The following SLC38A10 variants were observed in gnomAD, a reference collection of about 807,000 sequenced individuals.
The protein encoded by SLC38A10 is Sodium-coupled neutral amino acid transporter 10.
A neutral mutation model predicts 81.0 loss-of-function variants in SLC38A10; 53 were observed. The ratio of observed to expected loss-of-function variants is 0.65; its 90% CI spans 0.53 to 0.82. The LOEUF (loss-of-function observed/expected upper bound fraction) is 0.82, where lower values mean the gene tolerates loss of function less well. SLC38A10 is among the 40% of genes least tolerant of loss of function. The probability of loss-of-function intolerance (pLI) is 0.00; values close to 1 mark genes in which losing one functional copy is unlikely to be tolerated. For missense variants in SLC38A10, 1,471 were observed against 1,545.0 expected, an observed-to-expected ratio of 0.95 and a Z score of 0.80; for synonymous variants, 665 against 655.3, an observed-to-expected ratio of 1.01 and a Z score of -0.23.
Position 81,277,314 on chromosome 17 carries a change from G to A in SLC38A10, c.627-181C>T, listed in dbSNP as rs766068885. Among the ~76,000 whole-genome samples, 28 of 152,178 alleles carry A rather than the reference G, an allele frequency of 1.8e-4. No homozygotes were observed. Among genetic ancestry groups the A allele is most frequent in the African/African-American group, 2.9e-4 (12 of 41,442 alleles). On this transcript the variant is annotated intron_variant, in intron 6 of 15. Transcript: ENST00000374759. The surrounding 1 kb of genome is among the most constrained non-coding windows in gnomAD (Gnocchi z 4.5). The stretch of plus-strand genomic sequence containing the variant: ...ACTTGGTGTTGCTGAGGACAGGAGC[G>A]TTGCAGCAGCCCCCACTCAGGACAC...
rs1409042605 is a variant in SLC38A10 at position 81,246,886 on chromosome 17, C to T, written c.2241G>A (p.Gln747=). 1.9e-6 allele frequency: 3 copies of T among 1,590,066 alleles called. No individual in the cohort carries two copies. Among genetic ancestry groups the T allele is most frequent in the Non-Finnish European group, 1.7e-6 (2 of 1,165,796 alleles). Residue 747 remains glutamine (Q), a splice_region_variant and synonymous_variant, in exon 15 of 16, where the codon CAG becomes CAA. Coordinates refer to ENST00000374759, the MANE Select transcript of SLC38A10 (RefSeq NM_001037984.3). ...RQEDEEDKPR[Q]VEVHQEPGAA... Reference sequence around the variant, plus strand: ...ACTCCATCCGCCAGCCCGGCCTACCCTGCCTGGGTTTATCCTCCTCGTCCT... The same window carrying T: ...ACTCCATCCGCCAGCCCGGCCTACCTTGCCTGGGTTTATCCTCCTCGTCCT...
intron 14 of SLC38A10, among the ~76,000 whole-genome samples, chr17:81,248,079 T>C (rs1395222080): frequency 1.4e-5 from 2 of 144,578 alleles, no homozygotes; most frequent in Admixed American, 7.2e-5. Flanking sequence ...TGCCTCAGCC[T>C]CCCGAGTAGC....
In SLC38A10 at chr17:81,280,612, T is replaced by C; in HGVS notation, c.623A>G (p.Gln208Arg). 1 of 1,612,832 alleles carries C rather than the reference T, an allele frequency of 6.2e-7. No individual in the cohort carries two copies. The highest frequency in any genetic ancestry group is 1.7e-5 in the Admixed American group (1 of 59,964). ...CAGACCACAGCAGGACACTTACGAC[T>C]GGCAGGCGAAGGACATGCCGAAGAT... ...IPIFGMSFACQSQVLPTYDSL... is the reference protein window; with the variant it reads ...IPIFGMSFACRSQVLPTYDSL... Residue 208 changes from glutamine (Q) to arginine (R), a missense_variant, in exon 6 of 16, where the codon CAG becomes CGG. Coordinates refer to ENST00000374759, the MANE Select transcript of SLC38A10 (RefSeq NM_001037984.3).
rs764525051 is a variant in SLC38A10 at position 81,277,923 on chromosome 17, G to A, written c.627-790C>T. ...GAGCTGCTCTGCCATGGGGCTGAAC[G>A]AGGACTCTGGAGTGGGAGTCCAGGG... On this transcript the variant is annotated intron_variant, in intron 6 of 15. Transcript: ENST00000374759. This position sits in a 1 kb window ranked among gnomAD's most constrained non-coding sequence, Gnocchi z 4.5. 2.0e-5 allele frequency among the ~76,000 whole-genome samples: 3 copies of A among 152,182 alleles called. No individual in the cohort carries two copies. Among genetic ancestry groups the A allele is most frequent in the East Asian group, 1.9e-4 (1 of 5,166 alleles).
rs1330553971 is a variant in SLC38A10, at chr17:81,270,622, C to G, written c.1131+296G>C. 6.6e-6 allele frequency among the ~76,000 whole-genome samples: 1 copy of G among 152,124 alleles called. No homozygotes were observed. Among genetic ancestry groups the G allele is most frequent in the Non-Finnish European group, 1.5e-5 (1 of 68,004 alleles). On this transcript the variant is annotated intron_variant, in intron 10 of 15. Transcript: ENST00000374759. The surrounding 1 kb of genome is among the most constrained non-coding windows in gnomAD (Gnocchi z 4.0). The stretch of plus-strand genomic sequence containing the variant: ...TCAGAGGTGGCAGCAGGTCCATGGG[C>G]AATCAGGCATCGCAGAAACACCATG...
rs1567925843 is a variant in SLC38A10, at chr17:81,252,441, A to C, written c.1699T>G (p.Leu567Val). Residue 567 changes from leucine (L) to valine (V), a missense_variant, in exon 13 of 16, where the codon TTG (leucine) becomes GTG (valine). Leu to Val is a conservative substitution (Grantham distance 32). Coordinates refer to ENST00000374759, the MANE Select transcript of SLC38A10 (RefSeq NM_001037984.3). ...TCAGGAAGATCACCCGCCTCCTCCA[A>C]GGCCTGGGCCTGTCCAGGCCTCTTC... Reference protein sequence around the residue: ...VGKRPGQAQALEEAGDLPEDP... With the variant: ...VGKRPGQAQAVEEAGDLPEDP... 2 of 1,613,262 alleles carry C rather than the reference A, an allele frequency of 1.2e-6. No homozygotes were observed. Among genetic ancestry groups the C allele is most frequent in the Admixed American group, 1.7e-5 (1 of 60,022 alleles).
intron 14 of SLC38A10, 133 bp from the exon 15 acceptor site, chr17:81,247,194 G>A: frequency 1.1e-6 from 1 of 904,250 alleles, no homozygotes; most frequent in South Asian, 1.9e-5. Context: ...GGCCACTGGT[G>A]ACACCCATCA....
At position 81,245,699 on chromosome 17, in the gene SLC38A10, C is replaced by T. The variant is rs2062841675; in HGVS notation, c.3217G>A (p.Gly1073Ser). ...QLAPRDGVII[G>S]LNPLPDVQVN... ...TGGACATCAGGCAGGGGGTTAAGGCCAATGATGACCCCATCCCTCGGGGCC... is the reference window on the plus strand; with the variant it reads ...TGGACATCAGGCAGGGGGTTAAGGCTAATGATGACCCCATCCCTCGGGGCC... The change falls in exon 16 of 16, where the codon GGC becomes AGC. Residue 1073 changes from glycine (G) to serine (S), a missense_variant. Transcript: ENST00000374759. The T allele has an allele frequency of 6.3e-7, 1 of 1,578,080 alleles. No individual in the cohort carries two copies. The highest frequency in any genetic ancestry group is 1.3e-5 in the African/African-American group (1 of 74,272).
Position 81,253,523 on chromosome 17 carries a change from C to T in SLC38A10, c.1289-283G>A, listed in dbSNP as rs1381336562. 3.3e-5 allele frequency among the ~76,000 whole-genome samples: 5 copies of T among 152,114 alleles called. No individual in the cohort carries two copies. Among genetic ancestry groups the T allele is most frequent in the African/African-American group, 7.2e-5 (3 of 41,408 alleles). On this transcript the variant is annotated intron_variant, in intron 11 of 15. Transcript: ENST00000374759. This position sits in a 1 kb window ranked among gnomAD's most constrained non-coding sequence, Gnocchi z 4.1. ...CCACCAGATGGCGGCACGAGCCCAC[C>T]GACCCACTCTCCCACAGTCCCCTCC...
rs3065408 is a variant in SLC38A10 at position 81,281,778 on chromosome 17, AAAACAAAC to A, written c.501+403_501+410del. On this transcript the variant is annotated intron_variant, in intron 5 of 15. Coordinates refer to ENST00000374759, the MANE Select transcript of SLC38A10 (RefSeq NM_001037984.3). The surrounding 1 kb of genome is among the most constrained non-coding windows in gnomAD (Gnocchi z 5.3). Reference sequence around the variant, plus strand: ...GCGACAAAGTGAGACTCCGTCTCAAAAAACAAACAAACAAACAAACAACAATAGCTTGC... The same window carrying A: ...GCGACAAAGTGAGACTCCGTCTCAAAAAACAAACAAACAACAATAGCTTGC... Among the ~76,000 whole-genome samples the A allele has an allele frequency of 2.6e-5, 4 of 151,262 alleles. No individual in the cohort carries two copies. The highest frequency in any genetic ancestry group is 7.3e-5 in the African/African-American group (3 of 40,942).
chr17:81,260,758 A>C (rs1162936526), intron 10 of SLC38A10, among the ~76,000 whole-genome samples: 2 of 152,166 alleles, frequency 1.3e-5, no homozygotes, highest in Non-Finnish European at 2.9e-5. Context: ...TTCAGGACGG[A>C]GCGGGAGGGA....
intron 10 of SLC38A10, chr17:81,264,515 T>G (rs1309505443): frequency 6.6e-6 from 1 of 151,868 alleles, no homozygotes; most frequent in African/African-American, 2.4e-5. Context: ...CGTAGCACCC[T>G]CCCCCGGAGA....
chr17:81,247,060 T>C lies in SLC38A10; in HGVS notation c.2067A>G (p.Glu689=). ...GGTCCAGCATCTCCGCCCTGCCAGC[T>C]TCTGGGTTTGGAAAGCACACAGTCA... ...GGNQAASQLE[E]AGRAEMLDHA... The change falls in exon 15 of 16, where the codon GAA becomes GAG. Residue 689 remains glutamate, a splice_region_variant and synonymous_variant. Transcript: ENST00000374759. 6.3e-7 allele frequency: 1 copy of C among 1,581,148 alleles called. No individual in the cohort carries two copies. Among genetic ancestry groups the C allele is most frequent in the Non-Finnish European group, 8.6e-7 (1 of 1,165,702 alleles).
At chr17:81,272,298 C>T (rs989538884) in intron 9 of SLC38A10, among the ~76,000 whole-genome samples, 1 of 152,102 alleles carries the variant, frequency 6.6e-6, no homozygotes, top group Non-Finnish European at 1.5e-5. Context: ...TCCCAAAGTG[C>T]TGGGATTACA....
chr17:81,251,730 CA>C (rs768159733), intron 13 of SLC38A10, 118 bp from the exon 14 acceptor site: 5 of 1,117,674 alleles, frequency 4.5e-6, no homozygotes, highest in Non-Finnish European at 6.0e-6. Flanking sequence ...TCTAAAGTGA[CA>C]CCCCCGTCAG....
chr17:81,283,560 G>C lies in SLC38A10; in HGVS notation c.264-58C>G. On this transcript the variant is annotated intron_variant, in intron 3 of 15. Transcript: ENST00000374759. The surrounding 1 kb of genome is among the most constrained non-coding windows in gnomAD (Gnocchi z 4.7). ...TCAGGGCAAGCTGGCACACACCTGG[G>C]CTGCCGCCAGGGACTACCCCAAGGC... 7.3e-7 allele frequency: 1 copy of C among 1,365,934 alleles called. No individual in the cohort carries two copies. Among genetic ancestry groups the C allele is most frequent in the Non-Finnish European group, 1.0e-6 (1 of 972,430 alleles). 84.6% of individuals were successfully genotyped at this position (1,365,934 alleles called of 1,614,324 possible).
intron 1 of SLC38A10, among the ~76,000 whole-genome samples, chr17:81,294,586 T>C (rs951430817): frequency 2.0e-4 from 30 of 152,172 alleles, no homozygotes; most frequent in African/African-American, 6.0e-4. Flanking sequence ...AGTTTTTGAG[T>C]GTGGGGAACT....
At position 81,245,564 on chromosome 17, in the gene SLC38A10, C is replaced by A. The variant is rs1323555299; in HGVS notation, c.3352G>T (p.Glu1118Ter). 6.2e-7 allele frequency: 1 copy of A among 1,606,760 alleles called. No individual in the cohort carries two copies. The change falls in exon 16 of 16, where the codon GAG becomes TAG. Residue 1118 changes from glutamate (E) to a stop codon, truncating the protein, a stop_gained. Transcript: ENST00000374759. LOFTEE classifies it high-confidence loss of function. ...CTCATGGCCAGCAGGTGCTAGGACT[C>A]CTCTGGAGGCCCAGGCGCCTGTCTA... ...QLRQAPGPPE[E>*]S
At chr17:81,268,117 C>T (rs566704224) in intron 10 of SLC38A10, among the ~76,000 whole-genome samples, 7 of 151,822 alleles carry the variant, frequency 4.6e-5, no homozygotes, top group African/African-American at 9.7e-5. Flanking sequence ...AGAAGATGAA[C>T]GCCAAGCAGA....
Sources: allele counts gnomAD v4.1 joint callset (sites outside exome capture counted in the v4.1 genomes callset), GRCh38; gene constraint gnomAD v4.1.1; non-coding constraint Gnocchi (gnomAD v3.1); transcripts MANE v1.5; gene names NCBI Gene and HGNC (gene_info 2026-07-23, HGNC 2026-07-21).